Variants in CPNE7 observed in about 807,000 individuals in gnomAD.
The protein encoded by CPNE7 is copine 7.
Under a neutral mutation model 66.5 loss-of-function variants are expected in CPNE7, and 78 were observed. That is an observed-to-expected ratio of 1.17 (90% CI 0.98 to 1.42). The LOEUF is 1.42. CPNE7 is among the 40% of genes most tolerant of loss of function. The probability of loss-of-function intolerance (pLI) is 0.00; values close to 1 mark genes in which losing one functional copy is unlikely to be tolerated. For missense variants in CPNE7, 1,012 were observed against 776.6 expected (o/e 1.30, Z -3.60); for synonymous variants, 468 against 336.7 (o/e 1.39, Z -4.27).
chr16:89,583,381 C>T (rs1196920891), intron 2 of CPNE7: 2 of 1,480,004 alleles, frequency 1.4e-6, no homozygotes, highest in East Asian at 2.5e-5. Flanking sequence ...CAGGTGCAGG[C>T]CAGCTGGGCT....
intron 2 of CPNE7, among the ~76,000 whole-genome samples, chr16:89,580,654 G>A (rs1391375361): frequency 4.2e-4 from 47 of 112,082 alleles, no homozygotes; most frequent in Admixed American, 5.7e-4. Flanking sequence ...CCCATCACCC[G>A]TCACATGGAA....
chr16:89,583,051 G>A (rs1332792671), intron 2 of CPNE7, among the ~76,000 whole-genome samples: 4 of 152,360 alleles, frequency 2.6e-5, no homozygotes, highest in East Asian at 3.9e-4. Flanking sequence ...GCTCATAGCC[G>A]ATGGGGCGGA....
rs1451696239 is a variant in CPNE7 at position 89,583,800 on chromosome 16, G to C, written c.432+29G>C. 3 of 1,609,664 alleles carry C rather than the reference G, an allele frequency of 1.9e-6. No homozygotes were observed. The African/African-American group carries it at 4.0e-5, about 21-fold the overall frequency. ...AGACCCGGGCGCACCCCTGCAGCCT[G>C]CAGGCCCTGCTGCTGTGGCTCCGAG... On this transcript the variant is annotated intron_variant, in intron 3 of 14. Coordinates refer to ENST00000319518, the MANE Select transcript of CPNE7 (RefSeq NM_153636.3).
At chr16:89,594,990 G>C (rs551232264) in intron 13 of CPNE7, among the ~76,000 whole-genome samples, 1 of 152,272 alleles carries the variant, frequency 6.6e-6, no homozygotes, top group South Asian at 2.1e-4. Context: ...GCACCCTGGA[G>C]AGACTGGAGC....
chr16:89,578,617 G>A (rs933852959), intron 2 of CPNE7, among the ~76,000 whole-genome samples: 5 of 151,746 alleles, frequency 3.3e-5, no homozygotes, highest in African/African-American at 4.8e-5. Flanking sequence ...ATAATTAGCC[G>A]GGCATGGTGG....
In CPNE7 at chr16:89,596,186, A is replaced by G. The variant is rs550101015; in HGVS notation, c.1540-298A>G. 3.3e-5 allele frequency among the ~76,000 whole-genome samples: 5 copies of G among 152,402 alleles called. No individual in the cohort carries two copies. In the South Asian group the frequency reaches 1.0e-3, roughly 32 times the overall value. Reference sequence around the variant, plus strand: ...GAAGCTCTGCAGTGAGTCACATCACACAGACACGCTCAGGCTTTGCCGGGG... The same window carrying G: ...GAAGCTCTGCAGTGAGTCACATCACGCAGACACGCTCAGGCTTTGCCGGGG... On this transcript the variant is annotated intron_variant, in intron 14 of 14. Coordinates refer to ENST00000319518, the MANE Select transcript of CPNE7 (RefSeq NM_153636.3).
chr16:89,589,505 T>G (rs760447982), intron 10 of CPNE7, among the ~76,000 whole-genome samples: 1 of 152,276 alleles, frequency 6.6e-6, no homozygotes, highest in African/African-American at 2.4e-5. Flanking sequence ...CACAGACCCC[T>G]GGCCTGGGGC....
chr16:89,595,339 G>A (rs1365887274), intron 13 of CPNE7, 28 bp from the exon 14 acceptor site: 4 of 1,533,114 alleles, frequency 2.6e-6, no homozygotes, highest in East Asian at 2.3e-5. Flanking sequence ...CAGGTGTGGT[G>A]TTGCTGATGC....
In CPNE7 at chr16:89,596,385, C is replaced by A. The variant is rs561863920; in HGVS notation, c.1540-99C>A. 7.2e-5 allele frequency: 106 copies of A among 1,472,740 alleles called. No individual in the cohort carries two copies. In the Middle Eastern group the frequency reaches 5.5e-3, roughly 76 times the overall value. 91.2% of individuals were successfully genotyped at this position (1,472,740 alleles called of 1,614,324 possible). A position where few individuals can be genotyped will look rare whatever the true frequency, so the allele number is the denominator to read the frequency against. On this transcript the variant is annotated intron_variant, in intron 14 of 14. Transcript: ENST00000319518. ...CTGGTGGGGGTGGGTAGTCACCACT[C>A]GGCTCTGGAGGATGAGGCCTGGGCC...
intron 13 of CPNE7, among the ~76,000 whole-genome samples, chr16:89,591,989 G>A (rs1339995080): frequency 3.4e-5 from 5 of 146,778 alleles, no homozygotes; most frequent in South Asian, 2.2e-4. Context: ...GTGAGCCACC[G>A]TGCCCGGCAT....
At chr16:89,587,401 G>T (rs1318090110) in intron 9 of CPNE7, among the ~76,000 whole-genome samples, 2 of 120,474 alleles carry the variant, frequency 1.7e-5, no homozygotes, top group Admixed American at 1.7e-4. Context: ...GGCACTGGCG[G>T]TTCCCCGTGA....
rs564846957 is a variant in CPNE7, at chr16:89,585,027, C to T, written c.591+170C>T. Reference sequence around the variant, plus strand: ...CAACAGGGAGCCGCAGGCGCAGGGCCCTGGGGGCCGTGGCTGTGGCCAGAA... The same window carrying T: ...CAACAGGGAGCCGCAGGCGCAGGGCTCTGGGGGCCGTGGCTGTGGCCAGAA... On this transcript the variant is annotated intron_variant, in intron 5 of 14. Transcript: ENST00000319518. 2.0e-3 allele frequency among the ~76,000 whole-genome samples: 307 copies of T among 152,270 alleles called. 3 individuals are homozygous for T. The highest frequency in any genetic ancestry group is 7.0e-3 in the African/African-American group (290 of 41,530).
intron 13 of CPNE7, among the ~76,000 whole-genome samples, chr16:89,592,079 G>A (rs1177810873): frequency 1.4e-5 from 2 of 144,858 alleles, no homozygotes; most frequent in East Asian, 2.0e-4. Flanking sequence ...CGCAATCTCC[G>A]CTCACTGCAA....
At chr16:89,579,098 G>A in intron 2 of CPNE7, 1 of 774,526 alleles carries the variant, frequency 1.3e-6, no homozygotes. Flanking sequence ...AGACCAGCCT[G>A]GCCAACATGA....
In CPNE7 at chr16:89,585,556, G is replaced by T. The variant is rs762093564; in HGVS notation, c.681+3G>T. 10 of 1,609,186 alleles carry T rather than the reference G, an allele frequency of 6.2e-6. No homozygotes were observed. The East Asian group carries it at 1.3e-4, about 22-fold the overall frequency. The stretch of plus-strand genomic sequence containing the variant: ...GCGAGGAGACAAGGCCTCTAAAGGT[G>T]GGGGACGGGATGGACCAAGGGGGCA... On this transcript the variant is annotated splice_donor_region_variant and intron_variant, in intron 6 of 14. Coordinates refer to ENST00000319518, the MANE Select transcript of CPNE7 (RefSeq NM_153636.3).
chr16:89,588,804 G>A lies in CPNE7; in HGVS notation c.1057G>A (p.Asp353Asn). 4 of 1,613,292 alleles carry A rather than the reference G, an allele frequency of 2.5e-6. No individual in the cohort carries two copies. The highest frequency in any genetic ancestry group is 3.4e-6 in the Non-Finnish European group (4 of 1,179,854). Reference protein sequence around the residue: ...VSVGEICQDYDSDKRFSALGF... With the variant: ...VSVGEICQDYNSDKRFSALGF... ...CGTGGGCGAGATCTGCCAGGACTAT[G>A]ACAGGTGCGCCCACCACCTTCCCCT... Residue 353 changes from aspartate to asparagine, a missense_variant, in exon 10 of 15, where the codon GAC becomes AAC. By Grantham distance (23) the Asp-to-Asn change is conservative. Transcript: ENST00000319518.
At position 89,589,877 on chromosome 16, in the gene CPNE7, A is replaced by G; in HGVS notation, c.1062-20A>G. 1 of 1,613,088 alleles carries G rather than the reference A, an allele frequency of 6.2e-7. No homozygotes were observed. The highest frequency in any genetic ancestry group is 2.2e-5 in the East Asian group (1 of 44,866). On this transcript the variant is annotated intron_variant, in intron 10 of 14. Coordinates refer to ENST00000319518, the MANE Select transcript of CPNE7 (RefSeq NM_153636.3). ...CACAAGAGGTCAGGGCCTCCTGGTG[A>G]CCTCCTGCCTCTCTTCCAGTGACAA...
chr16:89,584,710 C>A lies in CPNE7; in HGVS notation c.508-64C>A. 7.9e-7 allele frequency: 1 copy of A among 1,261,974 alleles called. No homozygotes were observed. Among genetic ancestry groups the A allele is most frequent in the Non-Finnish European group, 1.1e-6 (1 of 874,384 alleles). 78.2% of individuals were successfully genotyped at this position (1,261,974 alleles called of 1,614,324 possible). Reference sequence around the variant, plus strand: ...AAGTGAGCCCTGGGAAACGACAAAGCCAGCTCCCATCCAAAGCCCGATCTC... The same window carrying A: ...AAGTGAGCCCTGGGAAACGACAAAGACAGCTCCCATCCAAAGCCCGATCTC... On this transcript the variant is annotated intron_variant, in intron 4 of 14. Coordinates refer to ENST00000319518, the MANE Select transcript of CPNE7 (RefSeq NM_153636.3). The surrounding 1 kb of genome is among the most constrained non-coding windows in gnomAD (Gnocchi z 6.0).
intron 11 of CPNE7, 66 bp from the exon 12 acceptor site, chr16:89,590,941 A>C: frequency 7.6e-6 from 12 of 1,568,828 alleles, no homozygotes; most frequent in Non-Finnish European, 1.0e-5. Context: ...CAGCTGACCG[A>C]GGGACATGGG....
Sources: gnomAD v4.1 joint callset for allele counts (sites outside exome capture counted in the v4.1 genomes callset) on GRCh38, gnomAD v4.1.1 for gene constraint, Gnocchi (gnomAD v3.1) non-coding constraint, MANE v1.5 for transcripts, NCBI Gene and HGNC (gene_info 2026-07-23, HGNC 2026-07-21) for gene names.